Variants in ACMSD observed in about 807,000 individuals in gnomAD.
ACMSD encodes the protein aminocarboxymuconate semialdehyde decarboxylase.
Under a neutral mutation model 45.9 loss-of-function variants are expected in ACMSD, and 37 were observed. That is an observed-to-expected ratio of 0.81 (90% CI 0.62 to 1.06). ACMSD has a LOEUF of 1.06. Ranked by LOEUF, ACMSD falls within the 50% of genes least tolerant of loss-of-function variation. The pLI, the probability that ACMSD is intolerant of heterozygous loss-of-function variation, is 0.00. For missense variants in ACMSD, 434 were observed against 420.9 expected (o/e 1.03, Z -0.27); for synonymous variants, 138 against 148.8 (o/e 0.93, Z 0.53).
At chr2:134,861,314 C>T (rs573358046) in intron 3 of ACMSD, among the ~76,000 whole-genome samples, 2 of 152,268 alleles carry the variant, frequency 1.3e-5, no homozygotes, top group Middle Eastern at 3.4e-3. Flanking sequence ...CCACTACTTA[C>T]GGCTGCACGG....
chr2:134,891,476 T>C (rs905138347), intron 8 of ACMSD, among the ~76,000 whole-genome samples: 1 of 152,094 alleles, frequency 6.6e-6, no homozygotes, highest in Non-Finnish European at 1.5e-5. Flanking sequence ...CCAACAAATA[T>C]GTGAAAAAAT....
intron 5 of ACMSD, among the ~76,000 whole-genome samples, chr2:134,865,179 T>C (rs1000338345): frequency 1.3e-5 from 2 of 152,216 alleles, no homozygotes; most frequent in African/African-American, 4.8e-5. Flanking sequence ...AGTCAGGAGA[T>C]TGCCTGTTAA....
intron 1 of ACMSD, among the ~76,000 whole-genome samples, chr2:134,841,556 C>G (rs191125072): frequency 6.6e-6 from 1 of 152,190 alleles, no homozygotes; most frequent in Admixed American, 6.5e-5. Flanking sequence ...TTCAGGGATA[C>G]TTGATCAAAT....
At chr2:134,870,901 A>G in intron 6 of ACMSD, 64 bp from the exon 7 acceptor site, 3 of 1,405,054 alleles carry the variant, frequency 2.1e-6, no homozygotes, top group Non-Finnish European at 2.0e-6. Context: ...CCAGCCACTA[A>G]CATCACTGAA....
intron 8 of ACMSD, among the ~76,000 whole-genome samples, chr2:134,879,863 C>A (rs924767413): frequency 7.9e-5 from 12 of 152,180 alleles, no homozygotes; most frequent in African/African-American, 2.9e-4. Context: ...GCTATTTAAA[C>A]CTGCTGCACA....
At position 134,871,999 on chromosome 2, in the gene ACMSD, C is replaced by G. The variant is rs1426496753; in HGVS notation, c.677-470C>G. Among the ~76,000 whole-genome samples, 12 of 149,836 alleles carry G rather than the reference C, an allele frequency of 8.0e-5. No homozygotes were observed. The East Asian group carries it at 1.6e-3, about 20-fold the overall frequency. On this transcript the variant is annotated intron_variant, in intron 7 of 9. Transcript: ENST00000356140. ...TGAGACAGAGTCTCACCCTGTCACA[C>G]AGGCTGGAGTGCAGTGGTGCAATCT...
At chr2:134,862,073 C>T in intron 4 of ACMSD, 55 bp downstream of exon 4, 1 of 1,600,688 alleles carries the variant, frequency 6.2e-7, no homozygotes, top group Non-Finnish European at 8.6e-7. Flanking sequence ...TGTTGAGCTC[C>T]CAAAAAGTGA....
At chr2:134,864,704 A>C (rs1226047599) in intron 5 of ACMSD, among the ~76,000 whole-genome samples, 2 of 152,216 alleles carry the variant, frequency 1.3e-5, no homozygotes, top group Non-Finnish European at 2.9e-5. Context: ...ACATTTGATG[A>C]AACTAGGTGG....
chr2:134,887,608 T>C (rs1689536092), intron 8 of ACMSD, among the ~76,000 whole-genome samples: 1 of 152,234 alleles, frequency 6.6e-6, no homozygotes, highest in Admixed American at 6.5e-5. Context: ...TTCACCATGT[T>C]GCCCAGGCTG....
chr2:134,896,069 T>C (rs182550545), intron 8 of ACMSD, among the ~76,000 whole-genome samples: 13 of 152,296 alleles, frequency 8.5e-5, no homozygotes, highest in Admixed American at 1.3e-4. Context: ...CTTTTCAACA[T>C]ATGATAGTGA....
At chr2:134,839,959 G>A (rs1394808977) in intron 1 of ACMSD, among the ~76,000 whole-genome samples, 5 of 151,870 alleles carry the variant, frequency 3.3e-5, no homozygotes, top group Non-Finnish European at 5.9e-5. Flanking sequence ...TTGTTTAGAA[G>A]CTGCATGCAG....
chr2:134,841,126 A>G (rs1418905335), intron 1 of ACMSD, among the ~76,000 whole-genome samples: 1 of 152,242 alleles, frequency 6.6e-6, no homozygotes, highest in African/African-American at 2.4e-5. Context: ...CATTATAGTC[A>G]TAACACTTCG....
At chr2:134,884,168 C>G (rs1689197649) in intron 8 of ACMSD, among the ~76,000 whole-genome samples, 1 of 152,104 alleles carries the variant, frequency 6.6e-6, no homozygotes, top group South Asian at 2.1e-4. Context: ...GATAATTAAC[C>G]TCCTACAGGG....
intron 8 of ACMSD, among the ~76,000 whole-genome samples, chr2:134,875,653 T>C (rs1042184772): frequency 1.3e-5 from 2 of 152,136 alleles, no homozygotes; most frequent in African/African-American, 4.8e-5. Flanking sequence ...TACAAAAAAA[T>C]GGAAAACTAT....
intron 8 of ACMSD, among the ~76,000 whole-genome samples, chr2:134,886,618 G>A (rs1689473582): frequency 1.3e-5 from 2 of 152,004 alleles, no homozygotes; most frequent in African/African-American, 4.8e-5. Context: ...GATAGAGATT[G>A]TCATAAAAAA....
At chr2:134,858,708 A>T (rs1330926439) in intron 2 of ACMSD, among the ~76,000 whole-genome samples, 1 of 152,056 alleles carries the variant, frequency 6.6e-6, no homozygotes. Flanking sequence ...CTGGTGGAAG[A>T]AGTAGCTCAG....
chr2:134,845,693 G>C lies in ACMSD; in HGVS notation c.102+416G>C, dbSNP rs187873793. ...GACAGTTAGGTTTGAGCACAAGCTGGAAAAATTGAACACTGGAGACAAAGG... is the reference window on the plus strand; with the variant it reads ...GACAGTTAGGTTTGAGCACAAGCTGCAAAAATTGAACACTGGAGACAAAGG... On this transcript the variant is annotated intron_variant, in intron 2 of 9. Transcript: ENST00000356140. Among the ~76,000 whole-genome samples, 6 of 152,208 alleles carry C rather than the reference G, an allele frequency of 3.9e-5. No homozygotes were observed. In the East Asian group the frequency reaches 1.2e-3, roughly 29 times the overall value.
chr2:134,859,877 G>A (rs1573640729), intron 3 of ACMSD, among the ~76,000 whole-genome samples: 1 of 152,004 alleles, frequency 6.6e-6, no homozygotes, highest in African/African-American at 2.4e-5. Context: ...CCAGAAATTT[G>A]AAAGAAGAGA....
intron 3 of ACMSD, among the ~76,000 whole-genome samples, chr2:134,861,023 T>TAGG: frequency 6.6e-6 from 1 of 152,114 alleles, no homozygotes; most frequent in Non-Finnish European, 1.5e-5. Context: ...AGCAAGACCC[T>TAGG]GTCTCTAAAA....
Sources: allele counts gnomAD v4.1 joint callset (sites outside exome capture counted in the v4.1 genomes callset), GRCh38; gene constraint gnomAD v4.1.1; transcripts MANE v1.5; gene names NCBI Gene and HGNC (gene_info 2026-07-23, HGNC 2026-07-21).